Variants in EPG5 observed in about 807,000 individuals in gnomAD.
The protein encoded by EPG5 is ectopic P-granules 5 autophagy tethering factor.
A neutral mutation model predicts 302.7 loss-of-function variants in EPG5; 159 were observed. The ratio of observed to expected loss-of-function variants is 0.53; its 90% CI spans 0.46 to 0.60. The LOEUF is 0.60. Among genes scored for constraint, EPG5 ranks in the 20% least tolerant of loss-of-function variants. The pLI, the probability that EPG5 is intolerant of heterozygous loss-of-function variation, is 0.00. For synonymous variants in EPG5, 1,158 were observed against 1,136.8 expected (o/e 1.02, Z -0.37); for missense variants, 2,896 against 3,092.4 (o/e 0.94, Z 1.51).
chr18:45,812,635 C>A, the EPG5 span, among the ~76,000 whole-genome samples: 1 of 152,216 alleles, frequency 6.6e-6, no homozygotes, highest in Non-Finnish European at 1.5e-5. Flanking sequence ...ACTGTCTGAT[C>A]TTTGACAAAC....
Position 45,967,168 on chromosome 18 carries a change from G to A in EPG5, c.63+9C>T, listed in dbSNP as rs781732575. ...GCCAGAGCCTCGGGAGGGTGGGGGA[G>A]ATCCTCACCTTTGTTTTAGTCCGGC... On this transcript the variant is annotated intron_variant, in intron 1 of 43. Coordinates refer to ENST00000282041, the MANE Select transcript of EPG5 (RefSeq NM_020964.3). The A allele has an allele frequency of 4.1e-5, 66 of 1,593,124 alleles. No homozygotes were observed. The highest frequency in any genetic ancestry group is 5.6e-5 in the Non-Finnish European group (65 of 1,169,938).
In EPG5 at chr18:45,860,259, G is replaced by T; in HGVS notation, c.6854C>A (p.Ala2285Glu). ...MMMNNATIPT[A>E]EFLRGSIRTW... is the part of the protein sequence containing the mutation. ...CCGGATACTGCCCCGAAGGAACTCT[G>T]CTGTTGGAATAGTCGCGTTGTTCAT... The change falls in exon 40 of 44, where the codon GCA becomes GAA. Residue 2285 changes from alanine to glutamate, a missense_variant. Ala to Glu is a moderately radical substitution (Grantham distance 107, BLOSUM62 -1). Transcript: ENST00000282041. 1 of 1,614,218 alleles carries T rather than the reference G, an allele frequency of 6.2e-7. No homozygotes were observed. The highest frequency in any genetic ancestry group is 8.5e-7 in the Non-Finnish European group (1 of 1,180,040).
At chr18:45,951,031 A>T (rs2050896647) in intron 4 of EPG5, 71 bp downstream of exon 4, 8 of 1,248,892 alleles carry the variant, frequency 6.4e-6, no homozygotes, top group Middle Eastern at 2.7e-4. Flanking sequence ...AAATGTAATG[A>T]TATAACAGAT....
Position 45,887,759 on chromosome 18 carries a change from A to C in EPG5, c.5101T>G (p.Leu1701Val), listed in dbSNP as rs1169310600. The C allele has an allele frequency of 6.4e-7, 1 of 1,569,774 alleles. No homozygotes were observed. The highest frequency in any genetic ancestry group is 8.7e-7 in the Non-Finnish European group (1 of 1,147,544). ...RQFFTSCIEILGQVFISGIKS... is the reference protein window; with the variant it reads ...RQFFTSCIEIVGQVFISGIKS... ...GGTACAGATAGCCTTACCTGTCCCAAGATCTCAATACATGAAGTAAAGAAC... is the reference window on the plus strand; with the variant it reads ...GGTACAGATAGCCTTACCTGTCCCACGATCTCAATACATGAAGTAAAGAAC... The change falls in exon 29 of 44, where the codon TTG becomes GTG. Residue 1701 changes from leucine to valine, a missense_variant. Leu to Val is a conservative substitution (Grantham distance 32, BLOSUM62 1). This residue lies in a region of EPG5 where 790 missense variants were observed against 798.0 expected (regional missense o/e 0.99). Transcript: ENST00000282041.
At chr18:45,867,903 A>G in intron 36 of EPG5, 155 bp from the exon 37 acceptor site, 1 of 698,906 alleles carries the variant, frequency 1.4e-6, no homozygotes. Context: ...TAGACTTAAT[A>G]TTTGTAATAT....
At chr18:45,905,702 C>T (rs1014381554) in intron 24 of EPG5, among the ~76,000 whole-genome samples, 2 of 152,178 alleles carry the variant, frequency 1.3e-5, no homozygotes, top group South Asian at 4.1e-4. Context: ...AGAAATTATA[C>T]ATCAAGCACC....
chr18:45,879,267 G>A, intron 32 of EPG5, 53 bp from the exon 33 acceptor site: 1 of 1,347,202 alleles, frequency 7.4e-7, no homozygotes, highest in Non-Finnish European at 1.0e-6. Flanking sequence ...TTTTAGTAAA[G>A]TGTTATGATA....
chr18:45,893,664 A>G (rs2049403731), intron 27 of EPG5, among the ~76,000 whole-genome samples: 1 of 152,188 alleles, frequency 6.6e-6, no homozygotes, highest in Non-Finnish European at 1.5e-5. Flanking sequence ...ATGGCTGGGA[A>G]AGACAGTGCA....
At chr18:45,890,717 T>A (rs532743601) in intron 27 of EPG5, among the ~76,000 whole-genome samples, 83 of 152,342 alleles carry the variant, frequency 5.4e-4, no homozygotes, top group African/African-American at 1.9e-3. Flanking sequence ...GCAATTTTAA[T>A]GTCATTTTTT....
chr18:45,888,353 G>A (rs141307714), intron 28 of EPG5, among the ~76,000 whole-genome samples: 5 of 151,752 alleles, frequency 3.3e-5, no homozygotes, highest in African/African-American at 1.2e-4. Context: ...ACCCAGGCTG[G>A]AGTGCAATGG....
intron 1 of EPG5, among the ~76,000 whole-genome samples, chr18:45,962,775 C>T (rs1300757567): frequency 6.6e-6 from 1 of 152,154 alleles, no homozygotes; most frequent in Non-Finnish European, 1.5e-5. Context: ...CCAAATTATA[C>T]TATAGATGGT....
At chr18:45,811,557 G>A in the EPG5 span, among the ~76,000 whole-genome samples, 1 of 152,144 alleles carries the variant, frequency 6.6e-6, no homozygotes, top group African/African-American at 2.4e-5. Flanking sequence ...ACATCAAAAA[G>A]CTTATCCACC....
intron 29 of EPG5, among the ~76,000 whole-genome samples, chr18:45,885,950 CA>C (rs1183695338): frequency 6.6e-6 from 1 of 152,028 alleles, no homozygotes; most frequent in African/African-American, 2.4e-5. Context: ...TATAACTTAA[CA>C]AGTACTTAAA....
chr18:45,865,519 G>A, intron 39 of EPG5, 96 bp downstream of exon 39: 2 of 1,297,546 alleles, frequency 1.5e-6, no homozygotes, highest in Non-Finnish European at 2.2e-6. Context: ...AAAGAGGAGT[G>A]CCAGTGTCCT....
At chr18:45,809,907 A>G in the EPG5 span, among the ~76,000 whole-genome samples, 4 of 152,086 alleles carry the variant, frequency 2.6e-5, no homozygotes, top group Non-Finnish European at 5.9e-5. Flanking sequence ...ACAAAAAAAT[A>G]CATAAGATAA....
At chr18:45,948,640 G>T in intron 5 of EPG5, 64 bp from the exon 6 acceptor site, 2 of 1,351,160 alleles carry the variant, frequency 1.5e-6, no homozygotes, top group African/African-American at 1.4e-5. Context: ...CATAATCTTG[G>T]TTCACAAGCA....
intron 1 of EPG5, 87 bp downstream of exon 1, chr18:45,967,090 G>A (rs1338383801): frequency 1.8e-5 from 24 of 1,316,682 alleles, no homozygotes; most frequent in East Asian, 2.6e-5. Context: ...CAGGGAACGG[G>A]AGTAGAATTG....
chr18:45,951,220 C>G lies in EPG5; in HGVS notation c.1271G>C (p.Ser424Thr). The change falls in exon 4 of 44, where the codon AGC (serine) becomes ACC (threonine). Residue 424 changes from serine (S) to threonine (T), a missense_variant. Ser to Thr is a moderately conservative substitution (Grantham distance 58, BLOSUM62 1). Transcript: ENST00000282041. ...TAGTTGACACAGATCAGAGGGAATG[C>G]TTTCTGTCTGCTTAGACGCTGTAAA... is the stretch of plus-strand genomic sequence containing the variant. ...QQGRASKQTE[S>T]IPSDLCQLKE... 1.3e-6 allele frequency: 2 copies of G among 1,560,986 alleles called. No homozygotes were observed. Among genetic ancestry groups the G allele is most frequent in the Non-Finnish European group, 1.7e-6 (2 of 1,156,696 alleles).
chr18:45,846,985 G>T (rs2048370490), downstream of EPG5, among the ~76,000 whole-genome samples: 1 of 152,204 alleles, frequency 6.6e-6, no homozygotes, highest in Non-Finnish European at 1.5e-5. Context: ...TGCACTAGAA[G>T]GAAGTGAGAC....
Sources: allele counts gnomAD v4.1 joint callset (sites outside exome capture counted in the v4.1 genomes callset), GRCh38; gene constraint gnomAD v4.1.1; regional missense constraint gnomAD v4.1.1; transcripts MANE v1.5; gene names NCBI Gene and HGNC (gene_info 2026-07-23, HGNC 2026-07-21).